CNTNAP2: variants seen among roughly 807,000 people sequenced by gnomAD.
The protein encoded by CNTNAP2 is contactin-associated protein-like 2.
CNTNAP2 carries 98 observed loss-of-function variants against 155.2 expected under a neutral mutation model. The ratio of observed to expected loss-of-function variants is 0.63; its 90% CI spans 0.54 to 0.75. CNTNAP2 has a LOEUF of 0.75. Ranked by LOEUF, CNTNAP2 falls within the 30% of genes least tolerant of loss-of-function variation. The pLI is 0.00. For synonymous variants in CNTNAP2, 651 were observed against 631.2 expected, an observed-to-expected ratio of 1.03 and a Z score of -0.47; for missense variants, 1,727 against 1,688.1, an observed-to-expected ratio of 1.02 and a Z score of -0.40.
intron 15 of CNTNAP2, among the ~76,000 whole-genome samples, chr7:147,979,811 C>T (rs1023464110): frequency 6.6e-6 from 1 of 151,972 alleles, no homozygotes; most frequent in African/African-American, 2.4e-5. Flanking sequence ...TTAGTAGAGA[C>T]GGGGTTTCAC....
chr7:147,785,977 G>C (rs549707366), intron 13 of CNTNAP2, among the ~76,000 whole-genome samples: 15 of 151,828 alleles, frequency 9.9e-5, no homozygotes, highest in African/African-American at 3.6e-4. Flanking sequence ...TGGTGATAGA[G>C]TGAGACTCTG....
intron 13 of CNTNAP2, among the ~76,000 whole-genome samples, chr7:147,872,061 C>T (rs1172402854): frequency 6.6e-6 from 1 of 152,202 alleles, no homozygotes; most frequent in Non-Finnish European, 1.5e-5. Context: ...GAATCTACTC[C>T]TCCTTGGCCC....
In CNTNAP2 at chr7:146,121,086, TACTCAAA is replaced by T. The variant is rs1797555022; in HGVS notation, c.97+4114_97+4120del. ...TAGTAAATTCTTCTAGACAAAAACT[TACTCAAA>T]TGTCTTAAAGTTTACATAAAGCTTC... On this transcript the variant is annotated intron_variant, in intron 1 of 23. Transcript: ENST00000361727. Among the ~76,000 whole-genome samples, 87 of 150,696 alleles carry T rather than the reference TACTCAAA, an allele frequency of 5.8e-4. 2 individuals carry two copies. The highest frequency in any genetic ancestry group is 6.9e-3 in the Middle Eastern group (2 of 288).
intron 8 of CNTNAP2, among the ~76,000 whole-genome samples, chr7:147,171,848 G>A (rs1206874616): frequency 6.6e-6 from 1 of 151,530 alleles, no homozygotes; most frequent in African/African-American, 2.4e-5. Context: ...GCCATTCCCT[G>A]TAAATTGGGT....
At chr7:147,728,743 A>G (rs929660061) in intron 13 of CNTNAP2, among the ~76,000 whole-genome samples, 11 of 152,014 alleles carry the variant, frequency 7.2e-5, no homozygotes, top group Admixed American at 7.2e-4. Context: ...GATTGGACTC[A>G]TTCACTTGGG....
intron 3 of CNTNAP2, among the ~76,000 whole-genome samples, chr7:147,015,666 G>A (rs1798712368): frequency 6.6e-6 from 1 of 152,038 alleles, no homozygotes; most frequent in Admixed American, 6.6e-5. Flanking sequence ...GTATCAATAT[G>A]TAAATTTCAC....
intron 13 of CNTNAP2, among the ~76,000 whole-genome samples, chr7:147,729,762 A>G (rs1045857551): frequency 2.0e-5 from 3 of 152,058 alleles, no homozygotes; most frequent in South Asian, 2.1e-4. Context: ...GTAGAAAACC[A>G]CTGAATGTTT....
intron 4 of CNTNAP2, among the ~76,000 whole-genome samples, chr7:147,090,701 A>G (rs1423119904): frequency 2.0e-5 from 3 of 152,132 alleles, no homozygotes; most frequent in Non-Finnish European, 2.9e-5. Flanking sequence ...AAAACAATTG[A>G]TATAATTATT....
intron 3 of CNTNAP2, among the ~76,000 whole-genome samples, chr7:146,907,609 T>C (rs2129215627): frequency 6.7e-6 from 1 of 149,882 alleles, no homozygotes; most frequent in East Asian, 2.0e-4. Flanking sequence ...CTGAGAGATT[T>C]TGTCACCACC....
chr7:147,904,245 T>C (rs141042721), intron 14 of CNTNAP2, among the ~76,000 whole-genome samples: 173 of 152,344 alleles, frequency 1.1e-3, no homozygotes, highest in African/African-American at 3.9e-3. Flanking sequence ...TTTTCTTTCA[T>C]ACCTGGAATT....
At chr7:146,659,208 G>C in intron 1 of CNTNAP2, among the ~76,000 whole-genome samples, 1 of 152,218 alleles carries the variant, frequency 6.6e-6, no homozygotes, top group East Asian at 1.9e-4. Context: ...GGGAATGTTA[G>C]AAGGTTAGTT....
At chr7:147,572,480 C>T (rs567020002) in intron 12 of CNTNAP2, among the ~76,000 whole-genome samples, 1 of 152,194 alleles carries the variant, frequency 6.6e-6, no homozygotes, top group East Asian at 1.9e-4. Context: ...AATGCTCTTC[C>T]TTCAAATGTT....
intron 1 of CNTNAP2, among the ~76,000 whole-genome samples, chr7:146,403,182 T>C (rs899254423): frequency 2.0e-5 from 3 of 152,128 alleles, no homozygotes; most frequent in African/African-American, 7.2e-5. Flanking sequence ...ATTATATACT[T>C]TTTCAAAAAC....
intron 3 of CNTNAP2, among the ~76,000 whole-genome samples, chr7:147,034,869 A>C (rs1799117833): frequency 6.6e-6 from 1 of 152,094 alleles, no homozygotes; most frequent in Admixed American, 6.5e-5. Flanking sequence ...GGGTTTTTGT[A>C]GGCACAGGAT....
intron 1 of CNTNAP2, among the ~76,000 whole-genome samples, chr7:146,598,415 T>C (rs902347531): frequency 3.3e-5 from 5 of 152,038 alleles, no homozygotes; most frequent in Non-Finnish European, 4.4e-5. Context: ...AGAGTTATTT[T>C]TTATACTCAC....
intron 11 of CNTNAP2, among the ~76,000 whole-genome samples, chr7:147,539,958 C>T (rs1308702265): frequency 1.3e-5 from 2 of 152,104 alleles, no homozygotes; most frequent in Admixed American, 6.5e-5. Context: ...AAAGGAAATT[C>T]GTAATAAAAT....
intron 21 of CNTNAP2, among the ~76,000 whole-genome samples, chr7:148,278,951 G>C (rs1796926483): frequency 6.6e-6 from 1 of 152,168 alleles, no homozygotes; most frequent in South Asian, 2.1e-4. Flanking sequence ...AAGGCTGTGA[G>C]GTAGGGACAC....
intron 20 of CNTNAP2, among the ~76,000 whole-genome samples, chr7:148,257,213 A>T (rs997398276): frequency 3.9e-5 from 6 of 152,138 alleles, no homozygotes; most frequent in African/African-American, 1.4e-4. Context: ...AGGGCCATTT[A>T]ATCTCTCCCA....
chr7:148,241,929 G>T (rs192736612), intron 20 of CNTNAP2, among the ~76,000 whole-genome samples: 4 of 152,302 alleles, frequency 2.6e-5, no homozygotes, highest in Non-Finnish European at 4.4e-5. Context: ...CAGCTCAGTG[G>T]GAAGGCAGTT....
Sources: allele counts gnomAD v4.1 joint callset (sites outside exome capture counted in the v4.1 genomes callset), GRCh38; gene constraint gnomAD v4.1.1; transcripts MANE v1.5; gene names NCBI Gene and HGNC (gene_info 2026-07-23, HGNC 2026-07-21).